Variants in PCLO observed in about 807,000 individuals in gnomAD.
The protein encoded by PCLO is piccolo presynaptic cytomatrix protein, also known as protein piccolo.
A neutral mutation model predicts 427.5 loss-of-function variants in PCLO; 82 were observed. That is an observed-to-expected ratio of 0.19 (90% confidence interval 0.16 to 0.23). The LOEUF (loss-of-function observed/expected upper bound fraction) is 0.23. Among genes scored for constraint, PCLO ranks in the 10% least tolerant of loss-of-function variants. PCLO has a pLI of 1.00. For missense variants in PCLO, 6,239 were observed against 6,115.9 expected (o/e 1.02, Z -0.67); for synonymous variants, 2,357 against 2,155.4 (o/e 1.09, Z -2.59).
intron 22 of PCLO, among the ~76,000 whole-genome samples, chr7:82,783,575 T>C (rs1790921257): frequency 6.6e-6 from 1 of 151,984 alleles, no homozygotes; most frequent in Non-Finnish European, 1.5e-5. Flanking sequence ...TGAGCTGAGA[T>C]CGCACCACTG....
At chr7:83,092,997 T>C (rs1790420435) in intron 3 of PCLO, among the ~76,000 whole-genome samples, 1 of 147,072 alleles carries the variant, frequency 6.8e-6, no homozygotes, top group Non-Finnish European at 1.5e-5. Context: ...TATCAAATAA[T>C]ATTATTGAAG....
At chr7:83,055,057 G>A (rs1373302591) in intron 3 of PCLO, among the ~76,000 whole-genome samples, 1 of 152,008 alleles carries the variant, frequency 6.6e-6, no homozygotes, top group African/African-American at 2.4e-5. Context: ...TCTCCTGAAG[G>A]ATTTGTAAAT....
chr7:82,794,146 A>G (rs939375330), intron 22 of PCLO, among the ~76,000 whole-genome samples: 12 of 151,968 alleles, frequency 7.9e-5, no homozygotes, highest in Admixed American at 2.0e-4. Flanking sequence ...AATTATCTGG[A>G]GAAACCTTTA....
chr7:83,051,546 A>T (rs764247732), intron 3 of PCLO, among the ~76,000 whole-genome samples: 1 of 152,190 alleles, frequency 6.6e-6, no homozygotes, highest in African/African-American at 2.4e-5. Flanking sequence ...CTAATTAAGA[A>T]ATTCTTCAAA....
At chr7:82,904,180 A>G (rs1794125226) in intron 8 of PCLO, among the ~76,000 whole-genome samples, 1 of 151,972 alleles carries the variant, frequency 6.6e-6, no homozygotes. Flanking sequence ...CTAACTTTGT[A>G]AACCATTGAA....
intron 2 of PCLO, among the ~76,000 whole-genome samples, chr7:83,138,848 G>A (rs1791795204): frequency 1.3e-5 from 2 of 151,870 alleles, no homozygotes; most frequent in South Asian, 4.2e-4. Flanking sequence ...AATAGGGGGT[G>A]ATAGCATTAG....
At chr7:83,075,309 G>A (rs565255449) in intron 3 of PCLO, among the ~76,000 whole-genome samples, 1 of 152,214 alleles carries the variant, frequency 6.6e-6, no homozygotes, top group Non-Finnish European at 1.5e-5. Flanking sequence ...AGATTTGGAT[G>A]AGGAGTCAGT....
chr7:83,114,289 A>G (rs868242015), intron 3 of PCLO, among the ~76,000 whole-genome samples: 28 of 152,122 alleles, frequency 1.8e-4, no homozygotes, highest in African/African-American at 6.8e-4. Flanking sequence ...GCGATGCTAT[A>G]TAAGAGGGCT....
intron 3 of PCLO, among the ~76,000 whole-genome samples, chr7:83,057,596 C>T (rs902597326): frequency 1.3e-4 from 20 of 150,326 alleles, no homozygotes; most frequent in African/African-American, 2.4e-4. Context: ...CTCCTGACCT[C>T]GTGATCCACC....
In PCLO at chr7:82,761,434, C is replaced by G; in HGVS notation, c.15067G>C (p.Gly5023Arg). The change falls in exon 23 of 25, where the codon GGT (glycine) becomes CGT (arginine). Residue 5023 changes from glycine to arginine, a missense_variant. Coordinates refer to ENST00000333891, the MANE Select transcript of PCLO (RefSeq NM_033026.6). ...AGAATTTCAACTATTAGTTGTTCAC[C>G]ATCTGTCTTCATTTCCTTCTTCAAT... Reference protein sequence around the residue: ...IALKKEMKTDGEQLIVEILQC... With the variant: ...IALKKEMKTDREQLIVEILQC... 6.3e-7 allele frequency: 1 copy of G among 1,586,200 alleles called. No individual in the cohort carries two copies.
intron 9 of PCLO, among the ~76,000 whole-genome samples, chr7:82,900,484 T>C (rs770829521): frequency 6.6e-6 from 1 of 151,730 alleles, no homozygotes; most frequent in African/African-American, 2.4e-5. Flanking sequence ...ATATAGGTAA[T>C]TTTCATTTTT....
rs1445344080 is a variant in PCLO at position 82,756,472 on chromosome 7, T to C, written c.*2103A>G. On this transcript the variant is annotated 3_prime_UTR_variant, in exon 25 of 25. Transcript: ENST00000333891. ...TTGTCAGTGGAGGGGGATTAAAAAA[T>C]AGAGGGAAGAAAAGTTATGGTTATC... 6.6e-6 allele frequency: 1 copy of C among 152,004 alleles called. No homozygotes were observed. Among genetic ancestry groups the C allele is most frequent in the African/African-American group, 2.4e-5 (1 of 41,398 alleles). The allele number at this position is 152,004 out of a possible 1,614,324, so 9.4% of individuals were successfully genotyped here. A position where few individuals can be genotyped will look rare whatever the true frequency, so the allele number is the denominator to read the frequency against.
At chr7:82,859,788 A>G (rs926673620) in intron 10 of PCLO, among the ~76,000 whole-genome samples, 1 of 152,190 alleles carries the variant, frequency 6.6e-6, no homozygotes, top group African/African-American at 2.4e-5. Context: ...CAAAGAATTC[A>G]AAATATTTGT....
At chr7:82,829,011 TA>T (rs1459449986) in intron 16 of PCLO, among the ~76,000 whole-genome samples, 2 of 152,142 alleles carry the variant, frequency 1.3e-5, no homozygotes, top group Non-Finnish European at 2.9e-5. Context: ...TATTCCAAAC[TA>T]TAGCCAGACT....
chr7:82,881,194 T>C (rs1169751478), intron 9 of PCLO, among the ~76,000 whole-genome samples: 1 of 152,066 alleles, frequency 6.6e-6, no homozygotes, highest in Non-Finnish European at 1.5e-5. Context: ...CTTGCCAACA[T>C]AGGAGACAGA....
chr7:82,832,965 T>G (rs1488337768), intron 16 of PCLO, among the ~76,000 whole-genome samples: 3 of 152,140 alleles, frequency 2.0e-5, no homozygotes, highest in Non-Finnish European at 4.4e-5. Flanking sequence ...TCATTTTATT[T>G]TCCTCTTTGC....
At chr7:82,932,013 T>C (rs531702758) in intron 6 of PCLO, among the ~76,000 whole-genome samples, 1 of 152,266 alleles carries the variant, frequency 6.6e-6, no homozygotes, top group South Asian at 2.1e-4. Flanking sequence ...GCATATTCAG[T>C]GGCTAAAATT....
rs115368778 is a variant in PCLO at position 83,060,414 on chromosome 7, C to T, written c.3300+73836G>A. ...GCTGCTCATTATTGATTACTGTCTG[C>T]TGCAGCTGCCACCAGACAAGGGCTA... On this transcript the variant is annotated intron_variant, in intron 3 of 24. Coordinates refer to ENST00000333891, the MANE Select transcript of PCLO (RefSeq NM_033026.6). 9.9e-3 allele frequency among the ~76,000 whole-genome samples: 1,505 copies of T among 152,252 alleles called. 29 individuals carry two copies. The highest frequency in any genetic ancestry group is 0.035 in the African/African-American group (1,439 of 41,532).
In PCLO at chr7:82,916,326, T is replaced by C; in HGVS notation, c.11660A>G (p.Gln3887Arg). The C allele has an allele frequency of 1.2e-6, 2 of 1,613,650 alleles. No homozygotes were observed. Among genetic ancestry groups the C allele is most frequent in the Non-Finnish European group, 1.7e-6 (2 of 1,179,706 alleles). Reference sequence around the variant, plus strand: ...AAGAGCAGGGGAAGAGTACTGGTATTGTGTGTAAGGACTTGTCGGAGGAAC... The same window carrying C: ...AAGAGCAGGGGAAGAGTACTGGTATCGTGTGTAAGGACTTGTCGGAGGAAC... ...QLVPPTSPYT[Q>R]YQYSSPALPT... The change falls in exon 7 of 25, where the codon CAA becomes CGA. Residue 3887 changes from glutamine (Q) to arginine (R), a missense_variant. Around this residue, in one of 5 missense-constraint regions of PCLO, gnomAD observed 680 missense variants for 677.3 expected, o/e 1.00. Coordinates refer to ENST00000333891, the MANE Select transcript of PCLO (RefSeq NM_033026.6).
Sources: gnomAD v4.1 joint callset for allele counts (sites outside exome capture counted in the v4.1 genomes callset) on GRCh38, gnomAD v4.1.1 for gene constraint, gnomAD v4.1.1 regional missense constraint, MANE v1.5 for transcripts, NCBI Gene and HGNC (gene_info 2026-07-23, HGNC 2026-07-21) for gene names.